The following NXF1 variants were observed in gnomAD, a reference collection of about 807,000 sequenced individuals.
NXF1 encodes the protein nuclear RNA export factor 1.
Under a neutral mutation model 92.4 loss-of-function variants are expected in NXF1, and 43 were observed. That is an observed-to-expected ratio of 0.47 (90% confidence interval 0.36 to 0.60). The LOEUF (loss-of-function observed/expected upper bound fraction) is 0.60, where lower values mean the gene tolerates loss of function less well. Among genes scored for constraint, NXF1 ranks in the 20% least tolerant of loss-of-function variants. The pLI is 0.00. For missense variants in NXF1, 576 were observed against 793.0 expected (o/e 0.73, Z 3.29); for synonymous variants, 288 against 292.2 (o/e 0.99, Z 0.15).
At position 62,792,389 on chromosome 11, in the gene NXF1, C is replaced by T; in HGVS notation, c.*87G>A. On this transcript the variant is annotated 3_prime_UTR_variant, in exon 21 of 21. Coordinates refer to ENST00000294172, the MANE Select transcript of NXF1 (RefSeq NM_006362.5). ...TCACAGTCACGGGGCGGCCTCGGGCCAGACAGGAGGAGATGACAGACGACA... is the reference window on the plus strand; with the variant it reads ...TCACAGTCACGGGGCGGCCTCGGGCTAGACAGGAGGAGATGACAGACGACA... 6.5e-7 allele frequency: 1 copy of T among 1,548,654 alleles called. No individual in the cohort carries two copies. The highest frequency in any genetic ancestry group is 8.9e-7 in the Non-Finnish European group (1 of 1,121,144).
intron 3 of NXF1, among the ~76,000 whole-genome samples, chr11:62,802,598 C>A (rs1277255010): frequency 2.0e-5 from 3 of 151,994 alleles, no homozygotes; most frequent in Admixed American, 2.0e-4. Context: ...CTACCATGCC[C>A]GGCTAATTTT....
intron 13 of NXF1, chr11:62,796,941 C>T (rs7105855): frequency 0.25 from 141,008 of 573,894 alleles, 18,990 homozygotes; most frequent in Non-Finnish European, 0.29. Context: ...GTGGCACACA[C>T]CTGTAGTCCC....
rs1397832586 is a variant in NXF1 at position 62,795,882 on chromosome 11, G to A, written c.1504+19C>T. ...GGGGTGGGACCACGCTACAAACTCG[G>A]GACTCTAAAGATTCTTACCTTCCTT... On this transcript the variant is annotated intron_variant, in intron 17 of 20. Coordinates refer to ENST00000294172, the MANE Select transcript of NXF1 (RefSeq NM_006362.5). 1 of 1,611,488 alleles carries A rather than the reference G, an allele frequency of 6.2e-7. No individual in the cohort carries two copies. The highest frequency in any genetic ancestry group is 1.3e-5 in the African/African-American group (1 of 74,882).
intron 3 of NXF1, among the ~76,000 whole-genome samples, chr11:62,803,030 G>T (rs1389784740): frequency 6.6e-6 from 1 of 152,168 alleles, no homozygotes; most frequent in African/African-American, 2.4e-5. Context: ...ATGACAAGGA[G>T]AATTTTTGGG....
intron 19 of NXF1, among the ~76,000 whole-genome samples, chr11:62,793,015 GT>G (rs1210487265): frequency 6.6e-6 from 1 of 151,538 alleles, no homozygotes. Context: ...TACCTTTAAA[GT>G]TTTTTATGTT....
At chr11:62,804,448 C>T (rs910796465) in intron 1 of NXF1, among the ~76,000 whole-genome samples, 5 of 152,188 alleles carry the variant, frequency 3.3e-5, no homozygotes, top group African/African-American at 1.2e-4. Flanking sequence ...TGTCCTTTAA[C>T]TCAGGAGACA....
At position 62,803,545 on chromosome 11, in the gene NXF1, ACGGT is replaced by A; in HGVS notation, c.239_242del (p.Asn80IlefsTer56). Reference sequence around the variant, plus strand: ...CTCGATCATGCCAAGTATCACCCCGACGGTTAGGTCGGGTGGTATAGGGGTTGCT... The same window carrying A: ...CTCGATCATGCCAAGTATCACCCCGATAGGTCGGGTGGTATAGGGGTTGCT... On this transcript the variant is annotated frameshift_variant, in exon 3 of 21. Coordinates refer to ENST00000294172, the MANE Select transcript of NXF1 (RefSeq NM_006362.5). LOFTEE classifies it high-confidence loss of function. 6.2e-7 allele frequency: 1 copy of A among 1,613,986 alleles called. No homozygotes were observed. The highest frequency in any genetic ancestry group is 1.1e-5 in the South Asian group (1 of 91,078).
intron 9 of NXF1, among the ~76,000 whole-genome samples, 200 bp downstream of exon 9, chr11:62,800,894 T>A (rs895125015): frequency 1.2e-4 from 19 of 152,292 alleles, no homozygotes; most frequent in African/African-American, 4.3e-4. Context: ...CTCAGCCCCC[T>A]GGGGCAGCTT....
At chr11:62,796,393 G>A (rs1233970856) in intron 14 of NXF1, 48 bp from the exon 15 acceptor site, 10 of 1,612,938 alleles carry the variant, frequency 6.2e-6, no homozygotes, top group Non-Finnish European at 6.8e-6. Flanking sequence ...AGTGCTGCCA[G>A]CAGGTGTGCC....
Position 62,796,269 on chromosome 11 carries a change from T to C in NXF1, c.1345+18A>G. 6.2e-7 allele frequency: 1 copy of C among 1,614,102 alleles called. No individual in the cohort carries two copies. Among genetic ancestry groups the C allele is most frequent in the Non-Finnish European group, 8.5e-7 (1 of 1,179,946 alleles). The stretch of plus-strand genomic sequence containing the variant: ...TCCCATGCCCTTTTCCCATATTTTG[T>C]TCGTATCACACACTTACTAGGGTCT... On this transcript the variant is annotated intron_variant, in intron 15 of 20. Coordinates refer to ENST00000294172, the MANE Select transcript of NXF1 (RefSeq NM_006362.5).
rs2084521213 is a variant in NXF1, at chr11:62,805,103, C to A, written c.28+226G>T. ...GTTCAAAGGAATCCCGTCACCCTACCCCCGAGCCATCCGCTCCGAGCCGCA... is the reference window on the plus strand; with the variant it reads ...GTTCAAAGGAATCCCGTCACCCTACACCCGAGCCATCCGCTCCGAGCCGCA... On this transcript the variant is annotated intron_variant, in intron 1 of 20. Transcript: ENST00000294172. 12 of 391,478 alleles carry A rather than the reference C, an allele frequency of 3.1e-5. No individual in the cohort carries two copies. The East Asian group carries it at 4.9e-4, about 16-fold the overall frequency. The allele number at this position is 391,478 out of a possible 1,614,324, so 24.3% of individuals were successfully genotyped here.
At chr11:62,793,040 G>A (rs983830929) in intron 19 of NXF1, among the ~76,000 whole-genome samples, 6 of 151,172 alleles carry the variant, frequency 4.0e-5, no homozygotes, top group African/African-American at 1.5e-4. Flanking sequence ...TTATACACAG[G>A]CAAATTTTTT....
Position 62,805,315 on chromosome 11 carries a change from A to C in NXF1, c.28+14T>G, listed in dbSNP as rs1353024335. The stretch of plus-strand genomic sequence containing the variant: ...CCCAGATAGCCAGTTCCCGACCCGA[A>C]GACCAGCACTTACCGCTGTACGACT... On this transcript the variant is annotated intron_variant, in intron 1 of 20. Coordinates refer to ENST00000294172, the MANE Select transcript of NXF1 (RefSeq NM_006362.5). The C allele has an allele frequency of 1.9e-6, 3 of 1,599,890 alleles. No individual in the cohort carries two copies. The East Asian group carries it at 6.9e-5, about 37-fold the overall frequency.
chr11:62,795,854 C>T (rs757016718), intron 17 of NXF1, 47 bp downstream of exon 17: 1 of 1,569,842 alleles, frequency 6.4e-7, no homozygotes, highest in South Asian at 1.1e-5. Context: ...AAAATTCCAG[C>T]TGGGGGTGGG....
chr11:62,797,303 G>C lies in NXF1; in HGVS notation c.1122+15C>G. ...CTCTCCACACACAAGTTCTTACTCT[G>C]TCCATGCTTCCTACCTTGCAGGGCG... On this transcript the variant is annotated intron_variant, in intron 12 of 20. Transcript: ENST00000294172. 6.2e-7 allele frequency: 1 copy of C among 1,614,080 alleles called. No homozygotes were observed. The highest frequency in any genetic ancestry group is 1.1e-5 in the South Asian group (1 of 91,080).
intron 3 of NXF1, among the ~76,000 whole-genome samples, chr11:62,803,102 T>C (rs1404981713): frequency 6.6e-6 from 1 of 152,072 alleles, no homozygotes; most frequent in Non-Finnish European, 1.5e-5. Flanking sequence ...GGGCAGATCA[T>C]GACGTCAGGA....
chr11:62,805,297 A>G (rs752332719), intron 1 of NXF1, 32 bp downstream of exon 1: 6 of 1,590,618 alleles, frequency 3.8e-6, no homozygotes, highest in South Asian at 3.4e-5. Context: ...CGCCCCAGAT[A>G]GCCAGTTCCC....
At chr11:62,800,334 G>A (rs200588581) in intron 10 of NXF1, 43 bp downstream of exon 10, 14 of 1,613,462 alleles carry the variant, frequency 8.7e-6, no homozygotes, top group South Asian at 3.3e-5. Flanking sequence ...AGCCTCCCAG[G>A]GGGTGAAGGT....
rs754879558 is a variant in NXF1 at position 62,800,388 on chromosome 11, G to A, written c.1005C>T (p.Ser335=). 2 of 1,614,014 alleles carry A rather than the reference G, an allele frequency of 1.2e-6. No homozygotes were observed. The highest frequency in any genetic ancestry group is 1.7e-6 in the Non-Finnish European group (2 of 1,179,934). Residue 335 remains serine (S), a synonymous_variant, in exon 10 of 21, where the codon TCC becomes TCT. Transcript: ENST00000294172. ...AGGCTACAACTGACCTGATGTAGGT[G>A]GACTGGTCTCGGAAGGTGTCACACA... ...NSLCDTFRDQ[S]TYISAIRERF...
Sources: gnomAD v4.1 joint callset for allele counts (sites outside exome capture counted in the v4.1 genomes callset) on GRCh38, gnomAD v4.1.1 for gene constraint, MANE v1.5 for transcripts, NCBI Gene and HGNC (gene_info 2026-07-23, HGNC 2026-07-21) for gene names.